Variants in TMOD1 observed in about 807,000 individuals in gnomAD.
The protein encoded by TMOD1 is tropomodulin 1, also known as tropomodulin-1.
In TMOD1, 17 loss-of-function variants were observed where a neutral mutation model predicts 40.6. The observed-to-expected ratio is 0.42, with a 90% confidence interval of 0.29 to 0.63. TMOD1 has a LOEUF of 0.63. TMOD1 is among the 20% of genes least tolerant of loss of function. TMOD1 has a pLI of 0.22. For missense variants in TMOD1, 391 were observed against 447.6 expected (o/e 0.87, Z 1.14); for synonymous variants, 181 against 175.0 (o/e 1.03, Z -0.27).
intron 9 of TMOD1, among the ~76,000 whole-genome samples, chr9:97,598,767 C>T (rs1051639153): frequency 1.3e-5 from 2 of 152,162 alleles, no homozygotes; most frequent in South Asian, 2.1e-4. Flanking sequence ...GCAGGTCTAC[C>T]GCCTCAGCTT....
At chr9:97,585,713 C>CT (rs1272221133) in intron 8 of TMOD1, among the ~76,000 whole-genome samples, 1 of 123,998 alleles carries the variant, frequency 8.1e-6, no homozygotes, top group Admixed American at 8.4e-5. Context: ...TCTTTTTATT[C>CT]TTTTTTCTCT....
chr9:97,553,657 A>G (rs540388192), intron 4 of TMOD1, among the ~76,000 whole-genome samples: 2 of 152,170 alleles, frequency 1.3e-5, no homozygotes, highest in South Asian at 2.1e-4. Flanking sequence ...ACGTGGGTGT[A>G]TCTCAGGGAG....
rs995805167 is a variant in TMOD1, at chr9:97,600,984, G to A, written c.*1286G>A. 1.7e-6 allele frequency: 2 copies of A among 1,210,482 alleles called. No individual in the cohort carries two copies. Among genetic ancestry groups the A allele is most frequent in the Admixed American group, 3.5e-5 (1 of 28,876 alleles). The allele number at this position is 1,210,482 out of a possible 1,614,324, so 75.0% of individuals were successfully genotyped here. On this transcript the variant is annotated 3_prime_UTR_variant, in exon 10 of 10. Transcript: ENST00000259365. ...ATCTCATGATAAAGGACAAGGTCAA[G>A]AACTCCAGAGCACTGAGCAGAGAGG...
At chr9:97,509,677 G>A (rs570006232) in intron 1 of TMOD1, among the ~76,000 whole-genome samples, 1 of 151,978 alleles carries the variant, frequency 6.6e-6, no homozygotes, top group Admixed American at 6.5e-5. Flanking sequence ...TGTATTTTTA[G>A]GCGAGACGGG....
chr9:97,559,794 A>AATAT (rs1193457397), intron 4 of TMOD1, among the ~76,000 whole-genome samples: 255 of 23,066 alleles, frequency 0.011, 3 homozygotes, highest in South Asian at 0.022. Context: ...AAAAAAAAAA[A>AATAT]ATATATATAT....
Position 97,546,240 on chromosome 9 carries a change from C to A in TMOD1, c.176C>A (p.Thr59Lys). 6.2e-7 allele frequency: 1 copy of A among 1,613,966 alleles called. No homozygotes were observed. Among genetic ancestry groups the A allele is most frequent in the South Asian group, 1.1e-5 (1 of 91,066 alleles). The change falls in exon 3 of 10, where the codon ACG (threonine) becomes AAG (lysine). Residue 59 changes from threonine to lysine, a missense_variant. Physicochemically the swap from Thr to Lys is moderately conservative, Grantham distance 78. Transcript: ENST00000259365. ...RQKDQTTKAP[T>K]GPFKREELLD... Reference sequence around the variant, plus strand: ...AAGGATCAGACCACCAAGGCGCCCACGGGCCCCTTTAAAAGAGAGGAGCTC... The same window carrying A: ...AAGGATCAGACCACCAAGGCGCCCAAGGGCCCCTTTAAAAGAGAGGAGCTC...
intron 2 of TMOD1, among the ~76,000 whole-genome samples, chr9:97,525,048 A>G (rs1829988615): frequency 6.6e-6 from 1 of 152,228 alleles, no homozygotes; most frequent in East Asian, 1.9e-4. Flanking sequence ...CTTGGCACAC[A>G]TATACATCTC....
At chr9:97,547,766 C>A (rs1830388739) in intron 3 of TMOD1, among the ~76,000 whole-genome samples, 1 of 152,168 alleles carries the variant, frequency 6.6e-6, no homozygotes, top group Non-Finnish European at 1.5e-5. Flanking sequence ...TCCTTCAGAG[C>A]AACTCACATC....
chr9:97,571,923 A>T (rs1830824471), intron 8 of TMOD1, among the ~76,000 whole-genome samples: 1 of 152,118 alleles, frequency 6.6e-6, no homozygotes, highest in Non-Finnish European at 1.5e-5. Context: ...GCTTGCCAGG[A>T]CTGTGCTGGG....
intron 4 of TMOD1, among the ~76,000 whole-genome samples, chr9:97,555,273 C>A (rs1830518087): frequency 6.6e-6 from 1 of 152,190 alleles, no homozygotes; most frequent in South Asian, 2.1e-4. Context: ...TCGGGTTAAT[C>A]TGTGAGGCAG....
At chr9:97,534,481 T>A (rs1344923814) in intron 2 of TMOD1, among the ~76,000 whole-genome samples, 1 of 152,198 alleles carries the variant, frequency 6.6e-6, no homozygotes, top group Non-Finnish European at 1.5e-5. Flanking sequence ...AACTCTGACA[T>A]CTTTCATAAT....
intron 8 of TMOD1, among the ~76,000 whole-genome samples, chr9:97,587,761 C>T (rs1313134266): frequency 2.6e-5 from 4 of 152,190 alleles, no homozygotes; most frequent in Non-Finnish European, 4.4e-5. Flanking sequence ...CTTTTATCCC[C>T]TCCCCCAGCC....
intron 8 of TMOD1, among the ~76,000 whole-genome samples, chr9:97,574,290 T>G (rs1228211781): frequency 6.6e-6 from 1 of 151,888 alleles, no homozygotes; most frequent in Non-Finnish European, 1.5e-5. Context: ...GTGGGCGTGC[T>G]CTCGGCGGGC....
At chr9:97,547,477 C>T (rs1430906005) in intron 3 of TMOD1, among the ~76,000 whole-genome samples, 2 of 152,232 alleles carry the variant, frequency 1.3e-5, no homozygotes, top group Non-Finnish European at 2.9e-5. Context: ...TTTTAACCTA[C>T]TGTGCCTCCA....
intron 2 of TMOD1, among the ~76,000 whole-genome samples, chr9:97,545,245 C>T (rs1830343040): frequency 6.6e-6 from 1 of 152,206 alleles, no homozygotes; most frequent in Non-Finnish European, 1.5e-5. Context: ...TTGGGCAAAT[C>T]TTTCCTTGCT....
At chr9:97,582,742 AT>A (rs1825784944) in intron 8 of TMOD1, among the ~76,000 whole-genome samples, 1 of 115,302 alleles carries the variant, frequency 8.7e-6, no homozygotes, top group African/African-American at 3.7e-5. Context: ...ATTCCTAGGT[AT>A]TTTATTCTCT....
In TMOD1 at chr9:97,601,481, C is replaced by G; in HGVS notation, c.*1783C>G. The G allele has an allele frequency of 1.0e-6, 1 of 993,520 alleles. No individual in the cohort carries two copies. The highest frequency in any genetic ancestry group is 1.2e-6 in the Non-Finnish European group (1 of 834,776). The allele number at this position is 993,520 out of a possible 1,614,324, so 61.5% of individuals were successfully genotyped here. On this transcript the variant is annotated 3_prime_UTR_variant, in exon 10 of 10. Coordinates refer to ENST00000259365, the MANE Select transcript of TMOD1 (RefSeq NM_003275.4). ...AGAGTAAGTGCTGGGGAAAGCAGAG[C>G]TATCAGAGGAAATCTCTCATAGAAA...
At position 97,600,547 on chromosome 9, in the gene TMOD1, G is replaced by A; in HGVS notation, c.*849G>A. The A allele has an allele frequency of 1.0e-6, 1 of 985,828 alleles. No homozygotes were observed. Among genetic ancestry groups the A allele is most frequent in the Non-Finnish European group, 1.2e-6 (1 of 830,228 alleles). The allele number at this position is 985,828 out of a possible 1,614,324, so 61.1% of individuals were successfully genotyped here. ...TTTCTATATTGCACAGTGGGCAAAT[G>A]GCTTATGTGAGGTAAGACACTAGAG... On this transcript the variant is annotated 3_prime_UTR_variant, in exon 10 of 10. Transcript: ENST00000259365.
intron 6 of TMOD1, 121 bp downstream of exon 6, chr9:97,564,289 G>A (rs1040108704): frequency 1.7e-5 from 23 of 1,336,476 alleles, no homozygotes; most frequent in Non-Finnish European, 2.3e-5. Flanking sequence ...TGGATTCTGG[G>A]TGTTTCTGCA....
Sources: allele counts gnomAD v4.1 joint callset (sites outside exome capture counted in the v4.1 genomes callset), GRCh38; gene constraint gnomAD v4.1.1; transcripts MANE v1.5; gene names NCBI Gene and HGNC (gene_info 2026-07-23, HGNC 2026-07-21).